Variants in RIC8B observed in about 807,000 individuals in gnomAD.
RIC8B encodes the protein RIC8 guanine nucleotide exchange factor B.
RIC8B carries 16 observed loss-of-function variants against 57.5 expected under a neutral mutation model. The ratio of observed to expected loss-of-function variants is 0.28; its 90% CI spans 0.19 to 0.42. The LOEUF is 0.42. Among genes scored for constraint, RIC8B ranks in the 10% least tolerant of loss-of-function variants. The probability of loss-of-function intolerance (pLI) is 1.00; values close to 1 mark genes in which losing one functional copy is unlikely to be tolerated. For missense variants in RIC8B, 481 were observed against 677.0 expected (o/e 0.71, Z 3.21); for synonymous variants, 216 against 250.8 (o/e 0.86, Z 1.31).
chr12:106,806,570 G>T (rs746472364), intron 2 of RIC8B, among the ~76,000 whole-genome samples: 3 of 151,990 alleles, frequency 2.0e-5, no homozygotes, highest in Non-Finnish European at 4.4e-5. Flanking sequence ...AATGGCTCAC[G>T]CCTGTAATCC....
At chr12:106,857,636 T>G (rs1486371045) in intron 7 of RIC8B, among the ~76,000 whole-genome samples, 2 of 152,204 alleles carry the variant, frequency 1.3e-5, no homozygotes, top group Non-Finnish European at 2.9e-5. Flanking sequence ...ATTTGTGTGT[T>G]TCCTTTTTAT....
chr12:106,802,217 C>A (rs1218163421), intron 2 of RIC8B, among the ~76,000 whole-genome samples: 1 of 151,994 alleles, frequency 6.6e-6, no homozygotes, highest in Admixed American at 6.6e-5. Context: ...AATCGCCTAC[C>A]CCAAATAAAT....
intron 5 of RIC8B, 55 bp downstream of exon 5, chr12:106,842,872 G>A (rs1287724794): frequency 2.8e-6 from 3 of 1,088,808 alleles, no homozygotes; most frequent in Admixed American, 3.7e-5. Context: ...ATGTAAATGT[G>A]CCATACATAC....
In RIC8B at chr12:106,815,297, A is replaced by ATTT; in HGVS notation, c.735_736insTTT (p.His245_Lys246insPhe). The ATTT allele has an allele frequency of 6.2e-7, 1 of 1,609,494 alleles. No homozygotes were observed. ...GTGACGGTAGACAGTTGGAAGGTGC[A>ATTT]TAAAGAGGTAAGGTAGAGAAGGCTA... On this transcript the variant is annotated inframe_insertion, in exon 3 of 10. Coordinates refer to ENST00000392837, the MANE Select transcript of RIC8B (RefSeq NM_001330145.2).
chr12:106,819,106 A>G (rs2045720792), intron 3 of RIC8B, among the ~76,000 whole-genome samples: 1 of 152,176 alleles, frequency 6.6e-6, no homozygotes, highest in South Asian at 2.1e-4. Flanking sequence ...ATAATATATA[A>G]ACGAATATAT....
intron 1 of RIC8B, among the ~76,000 whole-genome samples, chr12:106,778,425 A>G (rs2043591783): frequency 6.6e-6 from 1 of 152,166 alleles, no homozygotes; most frequent in Admixed American, 6.5e-5. Context: ...CAGCATAGGC[A>G]AGTTTTTTTG....
rs1335082825 is a variant in RIC8B, at chr12:106,887,815, A to G, written c.*1800A>G. On this transcript the variant is annotated 3_prime_UTR_variant, in exon 10 of 10. Transcript: ENST00000392837. ...TTGACCCAGAAAATGTGTGTACAACAGTATGGCCCGTAGACTACTTCCTAT... is the reference window on the plus strand; with the variant it reads ...TTGACCCAGAAAATGTGTGTACAACGGTATGGCCCGTAGACTACTTCCTAT... 1 of 152,264 alleles carries G rather than the reference A, an allele frequency of 6.6e-6. No homozygotes were observed. Among genetic ancestry groups the G allele is most frequent in the East Asian group, 1.9e-4 (1 of 5,202 alleles). 9.4% of individuals were successfully genotyped at this position (152,264 alleles called of 1,614,324 possible).
intron 4 of RIC8B, among the ~76,000 whole-genome samples, chr12:106,838,025 T>C (rs997081552): frequency 6.6e-6 from 1 of 152,212 alleles, no homozygotes; most frequent in African/African-American, 2.4e-5. Flanking sequence ...ACATAGTTAA[T>C]GTATACAACT....
At chr12:106,791,876 G>T (rs1374950220) in intron 2 of RIC8B, among the ~76,000 whole-genome samples, 1 of 152,212 alleles carries the variant, frequency 6.6e-6, no homozygotes, top group Non-Finnish European at 1.5e-5. Flanking sequence ...GTGAATCCAT[G>T]CTTTGGAATA....
intron 8 of RIC8B, among the ~76,000 whole-genome samples, chr12:106,860,861 A>T (rs1949902142): frequency 6.6e-6 from 1 of 152,146 alleles, no homozygotes; most frequent in Non-Finnish European, 1.5e-5. Flanking sequence ...ATAGGCAACA[A>T]GACACATTAA....
At chr12:106,793,334 AAG>A (rs1463096475) in intron 2 of RIC8B, among the ~76,000 whole-genome samples, 4 of 152,206 alleles carry the variant, frequency 2.6e-5, no homozygotes, top group Non-Finnish European at 2.9e-5. Context: ...AGCCTTATAA[AAG>A]AGAGTGCTGA....
intron 4 of RIC8B, among the ~76,000 whole-genome samples, chr12:106,833,867 T>C (rs116619870): frequency 2.0e-5 from 3 of 152,132 alleles, no homozygotes; most frequent in Non-Finnish European, 4.4e-5. Flanking sequence ...GTCCTCCCCA[T>C]AACAAGTGAG....
chr12:106,874,445 AAT>A, intron 9 of RIC8B: 1 of 1,491,860 alleles, frequency 6.7e-7, no homozygotes, highest in Non-Finnish European at 9.2e-7. Context: ...GTGGCCAATG[AAT>A]GGACACTAGA....
intron 8 of RIC8B, among the ~76,000 whole-genome samples, chr12:106,869,446 C>CA (rs1566165212): frequency 6.9e-6 from 1 of 144,546 alleles, no homozygotes. Flanking sequence ...TGGCCAGTAT[C>CA]TTTTTTTTTT....
At chr12:106,794,814 C>T (rs1203650543) in intron 2 of RIC8B, among the ~76,000 whole-genome samples, 1 of 152,130 alleles carries the variant, frequency 6.6e-6, no homozygotes, top group African/African-American at 2.4e-5. Flanking sequence ...CTAAACAGTA[C>T]TTTGAATCCA....
At position 106,849,221 on chromosome 12, in the gene RIC8B, T is replaced by A. The variant is rs1394114615; in HGVS notation, c.1162-2229T>A. Among the ~76,000 whole-genome samples the A allele has an allele frequency of 2.6e-5, 4 of 152,084 alleles. No homozygotes were observed. The East Asian group carries it at 7.7e-4, about 29-fold the overall frequency. On this transcript the variant is annotated intron_variant, in intron 6 of 9. Coordinates refer to ENST00000392837, the MANE Select transcript of RIC8B (RefSeq NM_001330145.2). The stretch of plus-strand genomic sequence containing the variant: ...TATACCTGTATCAAAATATCTCATA[T>A]ACCCCATAAATATATAACCTACTAT...
rs1446266315 is a variant in RIC8B at position 106,867,776 on chromosome 12, A to G, written c.1452-3047A>G. Reference sequence around the variant, plus strand: ...GGCATTTTTCCCATAAGAGAGTGCTACGCTATACTTCAGTGCCCTAACTTG... The same window carrying G: ...GGCATTTTTCCCATAAGAGAGTGCTGCGCTATACTTCAGTGCCCTAACTTG... On this transcript the variant is annotated intron_variant, in intron 8 of 9. Coordinates refer to ENST00000392837, the MANE Select transcript of RIC8B (RefSeq NM_001330145.2). The surrounding 1 kb of genome is among the most constrained non-coding windows in gnomAD (Gnocchi z 4.3). Among the ~76,000 whole-genome samples the G allele has an allele frequency of 6.6e-6, 1 of 152,176 alleles. No individual in the cohort carries two copies. The highest frequency in any genetic ancestry group is 2.4e-5 in the African/African-American group (1 of 41,444).
chr12:106,804,845 G>T (rs1339840685), intron 2 of RIC8B, among the ~76,000 whole-genome samples: 1 of 152,180 alleles, frequency 6.6e-6, no homozygotes, highest in Non-Finnish European at 1.5e-5. Flanking sequence ...TCTGGATTTA[G>T]AGGTGGAAGG....
At chr12:106,882,058 G>T (rs972367387) in intron 9 of RIC8B, among the ~76,000 whole-genome samples, 5 of 152,156 alleles carry the variant, frequency 3.3e-5, no homozygotes, top group African/African-American at 1.2e-4. Flanking sequence ...ATGTGTGTGT[G>T]TTTTCTGAAC....
Sources: allele counts gnomAD v4.1 joint callset (sites outside exome capture counted in the v4.1 genomes callset), GRCh38; gene constraint gnomAD v4.1.1; non-coding constraint Gnocchi (gnomAD v3.1); transcripts MANE v1.5; gene names NCBI Gene and HGNC (gene_info 2026-07-23, HGNC 2026-07-21).